Variants in KDM5C observed in about 807,000 individuals in gnomAD.
KDM5C encodes the protein lysine-specific demethylase 5C.
A neutral mutation model predicts 110.6 loss-of-function variants in KDM5C; 16 were observed. That is an observed-to-expected ratio of 0.14 (90% CI 0.10 to 0.22). The LOEUF (loss-of-function observed/expected upper bound fraction) is 0.22, where lower values mean the gene tolerates loss of function less well. Among genes scored for constraint, KDM5C ranks in the 10% least tolerant of loss-of-function variants. KDM5C has a pLI of 1.00. For missense variants in KDM5C, 681 were observed against 1,300.9 expected (o/e 0.52, Z 7.33); for synonymous variants, 511 against 520.4 (o/e 0.98, Z 0.24).
At chrX:53,199,664 G>A (rs2073080877) in intron 14 of KDM5C, among the ~76,000 whole-genome samples, 1 of 111,680 alleles carries the variant, frequency 9.0e-6, no homozygotes. Context: ...TTGTGTTCAG[G>A]GTTTAAAGAG....
intron 7 of KDM5C, 101 bp from the exon 8 acceptor site, chrX:53,214,948 G>T: frequency 1.1e-6 from 1 of 895,778 alleles, no homozygotes; most frequent in Non-Finnish European, 1.6e-6. Context: ...TAGGTCTGGA[G>T]CTCAACTGCA....
rs374468313 is a variant in KDM5C, at chrX:53,194,243, G to A, written c.3934C>T (p.Arg1312Cys). The A allele has an allele frequency of 5.0e-6, 6 of 1,212,115 alleles. No homozygotes were observed. The highest frequency in any genetic ancestry group is 3.0e-5 in the East Asian group (1 of 33,819). Residue 1312 changes from arginine to cysteine, a missense_variant, in exon 23 of 26, where the codon CGC (arginine) becomes TGC (cysteine). Physicochemically the swap from Arg to Cys is radical, Grantham distance 180 (BLOSUM62 -3). Coordinates refer to ENST00000375401, the MANE Select transcript of KDM5C (RefSeq NM_004187.5). ...CTAGGTTCAGCCTGTAGCCGTTGGC[G>A]GAGCTCAGCCAGCCGTCCCAAAAGA... ...TALLGRLAEL[R>C]QRLQAEPRPE...
rs1556837070 is a variant in KDM5C, at chrX:53,196,697, G to A, written c.2970C>T (p.Cys990=). The change falls in exon 19 of 26, where the codon TGC becomes TGT. Residue 990 remains cysteine (C), a synonymous_variant. Transcript: ENST00000375401. The part of the protein sequence containing the change: ...AERWEEKAHL[C]LEARQKHPPA... The stretch of plus-strand genomic sequence containing the variant: ...GCAGCTGGACCTACCTGGCCTCCAG[G>A]CAGAGGTGGGCTTTCTCCTCCCAGC... 1 of 1,209,576 alleles carries A rather than the reference G, an allele frequency of 8.3e-7. No homozygotes were observed. Among genetic ancestry groups the A allele is most frequent in the African/African-American group, 1.7e-5 (1 of 57,900 alleles).
At chrX:53,224,080 A>T (rs782347162) in intron 1 of KDM5C, among the ~76,000 whole-genome samples, 19 of 112,287 alleles carry the variant, frequency 1.7e-4, no homozygotes, top group Non-Finnish European at 3.0e-4. Context: ...GCAAGGTATG[A>T]GTAAATATGA....
downstream of KDM5C, among the ~76,000 whole-genome samples, chrX:53,190,610 C>A (rs1239269265): frequency 3.6e-5 from 4 of 111,626 alleles, no homozygotes; most frequent in Admixed American, 3.8e-4. Context: ...AAAGGTCAGC[C>A]TTTTCCCCTA....
intron 19 of KDM5C, 128 bp from the exon 20 acceptor site, chrX:53,196,182 C>T (rs1934838312): frequency 1.3e-6 from 1 of 784,963 alleles, no homozygotes; most frequent in African/African-American, 2.1e-5. Flanking sequence ...CTTGGGCCTA[C>T]TTGCTTGTAT....
intron 25 of KDM5C, among the ~76,000 whole-genome samples, chrX:53,182,094 T>G (rs1337482399): frequency 1.6e-4 from 17 of 107,477 alleles, no homozygotes; most frequent in Admixed American, 4.9e-4. Context: ...TGTTTTTTTT[T>G]TTTTTTTGAT....
rs10604955 is a variant in KDM5C at position 53,204,238 on chromosome X, C to CT, written c.1747-2266dup. 3.0e-3 allele frequency among the ~76,000 whole-genome samples: 185 copies of CT among 60,725 alleles called. 1 individual carries two copies. The highest frequency in any genetic ancestry group is 0.01 in the African/African-American group (165 of 16,133). 52.7% of individuals were successfully genotyped at this position (60,725 alleles called of 115,157 possible). A position where few individuals can be genotyped will look rare whatever the true frequency, so the allele number is the denominator to read the frequency against. The stretch of plus-strand genomic sequence containing the variant: ...CCAGTCAGATTCCCCAAAGAAAATC[C>CT]TTTTTTTTTTTTTTTTTTTTTTTTT... On this transcript the variant is annotated intron_variant, in intron 12 of 25. Coordinates refer to ENST00000375401, the MANE Select transcript of KDM5C (RefSeq NM_004187.5).
Position 53,225,086 on chromosome X carries a change from C to G in KDM5C, c.-197G>C, listed in dbSNP as rs2074003574. On this transcript the variant is annotated 5_prime_UTR_variant, in exon 1 of 26. Transcript: ENST00000375401. ...CAGGCTGACTCTACTGCTACCGCCT[C>G]TTCGTCCCGCTCCGTTTCTTCCAAA... 11 of 440,752 alleles carry G rather than the reference C, an allele frequency of 2.5e-5. No individual in the cohort carries two copies. The South Asian group carries it at 4.7e-4, about 19-fold the overall frequency. The allele number at this position is 440,752 out of a possible 1,213,427, so 36.3% of individuals were successfully genotyped here. A position where few individuals can be genotyped will look rare whatever the true frequency, so the allele number is the denominator to read the frequency against.
At chrX:53,211,354 TTTTC>T in intron 10 of KDM5C, 139 bp downstream of exon 10, 2 of 654,423 alleles carry the variant, frequency 3.1e-6, no homozygotes, top group Non-Finnish European at 4.8e-6. Flanking sequence ...TACCAGACTG[TTTTC>T]TTTCATCTCA....
At chrX:53,183,388 C>T (rs1462255344) in intron 25 of KDM5C, among the ~76,000 whole-genome samples, 1 of 106,390 alleles carries the variant, frequency 9.4e-6, no homozygotes, top group African/African-American at 3.4e-5. Flanking sequence ...CAGTGAGCCT[C>T]AAACTGCAGT....
At chrX:53,215,015 T>C in intron 7 of KDM5C, 168 bp from the exon 8 acceptor site, 1 of 531,171 alleles carries the variant, frequency 1.9e-6, no homozygotes, top group Non-Finnish European at 3.3e-6. Context: ...TCTTTTATCA[T>C]CCAGTCTTGA....
At chrX:53,221,228 C>T (rs1300683989) in intron 1 of KDM5C, among the ~76,000 whole-genome samples, 2 of 110,210 alleles carry the variant, frequency 1.8e-5, no homozygotes, top group Admixed American at 1.9e-4. Context: ...TTTTGTTGAC[C>T]CTAAACCTTC....
intron 25 of KDM5C, 23 bp downstream of exon 25, chrX:53,193,414 C>T (rs868924758): frequency 6.6e-6 from 8 of 1,209,669 alleles, no homozygotes; most frequent in Middle Eastern, 2.3e-4. Context: ...CCTCCTGGCC[C>T]GGCCCATGAC....
rs143695593 is a variant in KDM5C at position 53,213,122 on chromosome X, T to C, written c.1123-1216A>G. Among the ~76,000 whole-genome samples, 533 of 112,704 alleles carry C rather than the reference T, an allele frequency of 4.7e-3. 8 individuals are homozygous for C. The highest frequency in any genetic ancestry group is 0.016 in the African/African-American group (512 of 31,042). On this transcript the variant is annotated intron_variant, in intron 8 of 25. Transcript: ENST00000375401. The stretch of plus-strand genomic sequence containing the variant: ...AGATAGGATGTGGGTCTACCTCATT[T>C]TGTACCTATGTTCATTATTTTAGAT...
intron 12 of KDM5C, among the ~76,000 whole-genome samples, chrX:53,206,858 C>A: frequency 1.9e-5 from 1 of 52,583 alleles, no homozygotes; most frequent in African/African-American, 7.9e-5. Flanking sequence ...AGCAAGATTC[C>A]TTCTCAAAAA....
At chrX:53,184,616 C>T (rs1301502965) in intron 25 of KDM5C, among the ~76,000 whole-genome samples, 1 of 111,706 alleles carries the variant, frequency 9.0e-6, no homozygotes, top group Non-Finnish European at 1.9e-5. Flanking sequence ...GATGTTATTA[C>T]CTTGATCGAT....
Position 53,194,543 on chromosome X carries a change from G to A in KDM5C, c.3634C>T (p.Arg1212Trp), listed in dbSNP as rs2146822518. 2 of 1,211,441 alleles carry A rather than the reference G, an allele frequency of 1.7e-6. No homozygotes were observed. The highest frequency in any genetic ancestry group is 1.8e-5 in the South Asian group (1 of 56,885). Residue 1212 changes from arginine to tryptophan, a missense_variant, in exon 23 of 26, where the codon CGG becomes TGG. Arg to Trp is a moderately radical substitution (Grantham distance 101). Coordinates refer to ENST00000375401, the MANE Select transcript of KDM5C (RefSeq NM_004187.5). The part of the protein sequence containing the change: ...CDLCQDWFHG[R>W]CVSVPRLLSS... ...AGGAGGCGAGGCACTGACACACACCGCCCATGGAACCAGTCCTGACACAGG... is the reference window on the plus strand; with the variant it reads ...AGGAGGCGAGGCACTGACACACACCACCCATGGAACCAGTCCTGACACAGG...
At chrX:53,214,660 G>C (rs1480848103) in intron 8 of KDM5C, 29 bp downstream of exon 8, 1 of 1,193,476 alleles carries the variant, frequency 8.4e-7, no homozygotes, top group East Asian at 3.0e-5. Flanking sequence ...GAAGCCCTAT[G>C]AGGCAGATGT....
Sources: allele counts gnomAD v4.1 joint callset (sites outside exome capture counted in the v4.1 genomes callset), GRCh38; gene constraint gnomAD v4.1.1; transcripts MANE v1.5; gene names NCBI Gene and HGNC (gene_info 2026-07-23, HGNC 2026-07-21).